PIK3AP1: variants seen among roughly 807,000 people sequenced by gnomAD.
The protein encoded by PIK3AP1 is phosphoinositide 3-kinase adapter protein 1.
Under a neutral mutation model 88.1 loss-of-function variants are expected in PIK3AP1, and 21 were observed. That is an observed-to-expected ratio of 0.24 (90% CI 0.17 to 0.34). The LOEUF is 0.34. Among genes scored for constraint, PIK3AP1 ranks in the 10% least tolerant of loss-of-function variants. The pLI, the probability that PIK3AP1 is intolerant of heterozygous loss-of-function variation, is 1.00. For synonymous variants in PIK3AP1, 398 were observed against 400.0 expected, an observed-to-expected ratio of 1.00 and a Z score of 0.06; for missense variants, 828 against 1,035.7, an observed-to-expected ratio of 0.80 and a Z score of 2.75.
intron 2 of PIK3AP1, among the ~76,000 whole-genome samples, chr10:96,704,791 T>C (rs1447313012): frequency 2.0e-5 from 3 of 151,822 alleles, no homozygotes; most frequent in Non-Finnish European, 4.4e-5. Flanking sequence ...AGTCAGTATA[T>C]GCATATTTAC....
chr10:96,674,011 C>T (rs554331300), intron 2 of PIK3AP1, among the ~76,000 whole-genome samples: 3 of 152,134 alleles, frequency 2.0e-5, no homozygotes, highest in African/African-American at 7.2e-5. Flanking sequence ...CATCCCTCAC[C>T]GTGAAAGGCT....
chr10:96,596,474 A>ATACC (rs1848755658), intron 16 of PIK3AP1, among the ~76,000 whole-genome samples: 3 of 152,198 alleles, frequency 2.0e-5, no homozygotes, highest in Admixed American at 2.0e-4. Context: ...TGACTTTGCC[A>ATACC]TACCTACATA....
chr10:96,682,490 C>G (rs1387553159), intron 2 of PIK3AP1, among the ~76,000 whole-genome samples: 6 of 152,148 alleles, frequency 3.9e-5, no homozygotes, highest in Admixed American at 3.3e-4. Flanking sequence ...GATGCTTTCC[C>G]GTCTTCCGTT....
Position 96,645,458 on chromosome 10 carries a change from G to C in PIK3AP1, c.1375+15C>G. On this transcript the variant is annotated intron_variant, in intron 8 of 16. Coordinates refer to ENST00000339364, the MANE Select transcript of PIK3AP1 (RefSeq NM_152309.3). ...CAGCAGAAAGGTGGAAGCAGAACTGGGTTGTGCTACTTACAGAGGTCTTCA... is the reference window on the plus strand; with the variant it reads ...CAGCAGAAAGGTGGAAGCAGAACTGCGTTGTGCTACTTACAGAGGTCTTCA... The C allele has an allele frequency of 4.3e-6, 7 of 1,610,420 alleles. No homozygotes were observed. Among genetic ancestry groups the C allele is most frequent in the African/African-American group, 1.3e-5 (1 of 74,804 alleles).
At chr10:96,603,710 AC>A (rs1589480105) in intron 15 of PIK3AP1, 4 of 241,156 alleles carry the variant, frequency 1.7e-5, no homozygotes, top group East Asian at 9.6e-5. Flanking sequence ...ACACACACAC[AC>A]CACATATATA....
intron 7 of PIK3AP1, among the ~76,000 whole-genome samples, chr10:96,645,929 G>A (rs1043981339): frequency 1.3e-5 from 2 of 152,122 alleles, no homozygotes; most frequent in Non-Finnish European, 2.9e-5. Context: ...GGAAATACTC[G>A]TTAAATGTCC....
At chr10:96,693,577 T>A (rs2134276211) in intron 2 of PIK3AP1, among the ~76,000 whole-genome samples, 1 of 152,332 alleles carries the variant, frequency 6.6e-6, no homozygotes, top group South Asian at 2.1e-4. Flanking sequence ...CTGATGCCAA[T>A]ACTTCTGTTC....
intron 13 of PIK3AP1, among the ~76,000 whole-genome samples, chr10:96,611,129 G>A (rs567002132): frequency 6.6e-6 from 1 of 152,192 alleles, no homozygotes; most frequent in East Asian, 1.9e-4. Context: ...AGAGGACAGG[G>A]CACACCAAGT....
chr10:96,627,024 C>T, intron 9 of PIK3AP1, 119 bp from the exon 10 acceptor site: 1 of 918,916 alleles, frequency 1.1e-6, no homozygotes. Flanking sequence ...TGGCAAAGGA[C>T]TTTCCCCAAT....
chr10:96,683,710 C>T (rs1430382914), intron 2 of PIK3AP1, among the ~76,000 whole-genome samples: 2 of 152,186 alleles, frequency 1.3e-5, no homozygotes, highest in Admixed American at 1.3e-4. Context: ...TTAATTCATT[C>T]ATCAAGCATT....
At chr10:96,713,612 A>G (rs1422609430) in intron 1 of PIK3AP1, among the ~76,000 whole-genome samples, 2 of 151,198 alleles carry the variant, frequency 1.3e-5, no homozygotes, top group African/African-American at 4.9e-5. Context: ...TGAGACTGAG[A>G]GGCAGCTTGG....
chr10:96,628,740 T>C (rs1843186723), intron 8 of PIK3AP1, among the ~76,000 whole-genome samples: 1 of 151,674 alleles, frequency 6.6e-6, no homozygotes, highest in Non-Finnish European at 1.5e-5. Flanking sequence ...ATATGCTTAT[T>C]TGCATTTGAA....
chr10:96,648,993 C>T (rs950083739), intron 6 of PIK3AP1, 138 bp from the exon 7 acceptor site: 1 of 651,796 alleles, frequency 1.5e-6, no homozygotes. Flanking sequence ...ACTGACCTAA[C>T]ATCTAACAGC....
At chr10:96,641,086 CGTGTGTGTGT>C (rs56816682) in intron 8 of PIK3AP1, among the ~76,000 whole-genome samples, 4,140 of 143,302 alleles carry the variant, frequency 0.029, 90 homozygotes, top group Admixed American at 0.06. Context: ...GTGAGTGTGC[CGTGTGTGTGT>C]GTGTGTGTGT....
At chr10:96,635,210 G>A (rs944388092) in intron 8 of PIK3AP1, among the ~76,000 whole-genome samples, 1 of 152,124 alleles carries the variant, frequency 6.6e-6, no homozygotes, top group African/African-American at 2.4e-5. Flanking sequence ...CCTCCCAAGA[G>A]GGACCCAAGC....
At chr10:96,646,897 A>G (rs1211718768) in intron 7 of PIK3AP1, among the ~76,000 whole-genome samples, 1 of 152,130 alleles carries the variant, frequency 6.6e-6, no homozygotes, top group Non-Finnish European at 1.5e-5. Context: ...TCAACCCACA[A>G]AAATCCTCAT....
At chr10:96,633,068 A>G (rs769916293) in intron 8 of PIK3AP1, 2 of 1,584,918 alleles carry the variant, frequency 1.3e-6, no homozygotes, top group Non-Finnish European at 8.6e-7. Context: ...ATGTCCTACA[A>G]GAGCAATTTC....
intron 3 of PIK3AP1, among the ~76,000 whole-genome samples, chr10:96,654,458 G>A (rs1843587411): frequency 6.6e-6 from 1 of 152,190 alleles, no homozygotes; most frequent in Admixed American, 6.5e-5. Flanking sequence ...GTGATGTGGG[G>A]GGTGATCCTG....
At chr10:96,618,194 G>A (rs149971077) in intron 12 of PIK3AP1, among the ~76,000 whole-genome samples, 4 of 152,308 alleles carry the variant, frequency 2.6e-5, no homozygotes, top group African/African-American at 9.6e-5. Flanking sequence ...CCAGCTCATG[G>A]GAAGGGAAGA....
Sources: allele counts gnomAD v4.1 joint callset (sites outside exome capture counted in the v4.1 genomes callset), GRCh38; gene constraint gnomAD v4.1.1; transcripts MANE v1.5; gene names NCBI Gene and HGNC (gene_info 2026-07-23, HGNC 2026-07-21).